Variants in HS3ST4 observed in about 807,000 individuals in gnomAD.
HS3ST4 encodes heparan sulfate glucosamine 3-O-sulfotransferase 4.
HS3ST4 carries 17 observed loss-of-function variants against 29.2 expected under a neutral mutation model. The observed-to-expected ratio is 0.58, with a 90% CI of 0.40 to 0.87. The LOEUF is 0.87. Among genes scored for constraint, HS3ST4 ranks in the 40% least tolerant of loss-of-function variants. The pLI is 0.00. For synonymous variants in HS3ST4, 314 were observed against 285.7 expected (o/e 1.10, Z -1.00); for missense variants, 627 against 634.5 (o/e 0.99, Z 0.13).
intron 1 of HS3ST4, among the ~76,000 whole-genome samples, chr16:25,752,635 C>G (rs1327220664): frequency 6.6e-6 from 1 of 152,216 alleles, no homozygotes; most frequent in Non-Finnish European, 1.5e-5. Context: ...ACACAGCTCT[C>G]TCTTCATTGT....
At chr16:25,703,891 A>T (rs1966353864) in intron 1 of HS3ST4, among the ~76,000 whole-genome samples, 1 of 152,054 alleles carries the variant, frequency 6.6e-6, no homozygotes, top group South Asian at 2.1e-4. Flanking sequence ...AATTTAAATA[A>T]CTTCTTCCAC....
intron 1 of HS3ST4, among the ~76,000 whole-genome samples, chr16:25,710,440 G>T (rs1966407647): frequency 1.7e-5 from 1 of 59,946 alleles, no homozygotes; most frequent in Non-Finnish European, 4.7e-5. Context: ...ATGGCTTCAG[G>T]GCTTTATCCT....
At chr16:26,007,484 C>T (rs887365071) in intron 1 of HS3ST4, among the ~76,000 whole-genome samples, 6 of 152,158 alleles carry the variant, frequency 3.9e-5, no homozygotes, top group Non-Finnish European at 8.8e-5. Flanking sequence ...GGAATGTTAA[C>T]GTCTGCATTT....
intron 1 of HS3ST4, among the ~76,000 whole-genome samples, chr16:26,086,841 T>C (rs1025504984): frequency 9.9e-5 from 15 of 152,214 alleles, no homozygotes; most frequent in African/African-American, 3.4e-4. Context: ...CCTCAGTCTT[T>C]TCTCTGTATT....
intron 1 of HS3ST4, among the ~76,000 whole-genome samples, chr16:25,699,376 A>C (rs953447322): frequency 2.0e-5 from 3 of 152,282 alleles, no homozygotes; most frequent in African/African-American, 7.2e-5. Flanking sequence ...AAAAAAGAAA[A>C]TTCGCAAATA....
At chr16:25,696,413 T>A (rs1426003697) in intron 1 of HS3ST4, among the ~76,000 whole-genome samples, 1 of 152,164 alleles carries the variant, frequency 6.6e-6, no homozygotes, top group East Asian at 1.9e-4. Context: ...CTCTCATGGT[T>A]TGCAGAGCAT....
Position 25,937,133 on chromosome 16 carries a change from C to CT in HS3ST4, c.735-198468dup, listed in dbSNP as rs1045421932. On this transcript the variant is annotated intron_variant, in intron 1 of 1. Coordinates refer to ENST00000331351, the MANE Select transcript of HS3ST4 (RefSeq NM_006040.3). ...AGGTCATACCTTTCTGGGACTTTTTCTTTTTTTTTTTGGTCAATAGGAAAA... is the reference window on the plus strand; with the variant it reads ...AGGTCATACCTTTCTGGGACTTTTTCTTTTTTTTTTTTGGTCAATAGGAAAA... Among the ~76,000 whole-genome samples the CT allele has an allele frequency of 7.5e-4, 108 of 144,568 alleles. 1 individual carries two copies. The highest frequency in any genetic ancestry group is 1.2e-3 in the East Asian group (6 of 4,966). The allele number at this position is 144,568 out of a possible 152,430, so 94.8% of individuals were successfully genotyped here.
chr16:26,133,832 A>G (rs1898243196), intron 1 of HS3ST4, among the ~76,000 whole-genome samples: 1 of 152,234 alleles, frequency 6.6e-6, no homozygotes. Context: ...ATTTAAAAGC[A>G]TGTCATCATA....
At chr16:26,075,215 G>A (rs1898647773) in intron 1 of HS3ST4, among the ~76,000 whole-genome samples, 1 of 152,092 alleles carries the variant, frequency 6.6e-6, no homozygotes, top group Non-Finnish European at 1.5e-5. Flanking sequence ...CACACCATGT[G>A]TCATTAAGTT....
chr16:25,839,239 T>C (rs1227055055), intron 1 of HS3ST4, among the ~76,000 whole-genome samples: 1 of 152,226 alleles, frequency 6.6e-6, no homozygotes, highest in South Asian at 2.1e-4. Context: ...TTATTATTTA[T>C]GTAGCTGTTT....
At chr16:25,723,696 C>G (rs532264342) in intron 1 of HS3ST4, among the ~76,000 whole-genome samples, 1 of 152,326 alleles carries the variant, frequency 6.6e-6, no homozygotes, top group South Asian at 2.1e-4. Flanking sequence ...TTTTCTTCTT[C>G]AGCCTAGAAG....
chr16:26,067,018 C>A (rs1380410777), intron 1 of HS3ST4, among the ~76,000 whole-genome samples: 3 of 152,128 alleles, frequency 2.0e-5, no homozygotes, highest in Non-Finnish European at 4.4e-5. Flanking sequence ...GGAGCTAGAT[C>A]AGGTAGGAAA....
intron 1 of HS3ST4, among the ~76,000 whole-genome samples, chr16:26,027,119 A>G (rs769144357): frequency 1.1e-4 from 17 of 152,248 alleles, no homozygotes; most frequent in South Asian, 2.1e-4. Flanking sequence ...ACTTCTTAAA[A>G]TAAAACTTAA....
rs1042457022 is a variant in HS3ST4, at chr16:25,856,370, G to A, written c.734+163219G>A. ...CTCCAACCTTCAGGGAGGGGAAAGG[G>A]GCTGGGAGACTGAGTTCAGTCACTA... On this transcript the variant is annotated intron_variant, in intron 1 of 1. Coordinates refer to ENST00000331351, the MANE Select transcript of HS3ST4 (RefSeq NM_006040.3). Among the ~76,000 whole-genome samples, 8 of 152,194 alleles carry A rather than the reference G, an allele frequency of 5.3e-5. No homozygotes were observed. In the South Asian group the frequency reaches 1.2e-3, roughly 24 times the overall value.
chr16:25,976,328 C>G (rs1012299950), intron 1 of HS3ST4, among the ~76,000 whole-genome samples: 1 of 151,966 alleles, frequency 6.6e-6, no homozygotes, highest in Non-Finnish European at 1.5e-5. Flanking sequence ...TTTTTTGAGA[C>G]AGGGTCTCAC....
chr16:26,089,432 C>T lies in HS3ST4; in HGVS notation c.735-46180C>T, dbSNP rs181833182. Among the ~76,000 whole-genome samples the T allele has an allele frequency of 1.2e-4, 19 of 152,252 alleles. No individual in the cohort carries two copies. In the East Asian group the frequency reaches 3.5e-3, roughly 28 times the overall value. ...ACTGGTGGAGAAGGAGGGTTGGAAACAGGAGCCGTAGAGATTAGGGTGGGG... is the reference window on the plus strand; with the variant it reads ...ACTGGTGGAGAAGGAGGGTTGGAAATAGGAGCCGTAGAGATTAGGGTGGGG... On this transcript the variant is annotated intron_variant, in intron 1 of 1. Coordinates refer to ENST00000331351, the MANE Select transcript of HS3ST4 (RefSeq NM_006040.3).
At chr16:26,079,131 G>A (rs922211368) in intron 1 of HS3ST4, among the ~76,000 whole-genome samples, 4 of 152,182 alleles carry the variant, frequency 2.6e-5, no homozygotes, top group Admixed American at 6.5e-5. Context: ...CATTTCACTC[G>A]GTGACAGAGG....
At chr16:25,902,704 G>A (rs919377583) in intron 1 of HS3ST4, among the ~76,000 whole-genome samples, 28 of 151,922 alleles carry the variant, frequency 1.8e-4, no homozygotes, top group African/African-American at 6.0e-4. Context: ...ACTCATGAAC[G>A]GGAACCCATA....
chr16:25,965,529 T>G (rs570572429), intron 1 of HS3ST4, among the ~76,000 whole-genome samples: 1 of 152,328 alleles, frequency 6.6e-6, no homozygotes, highest in Admixed American at 6.5e-5. Context: ...TCCCAAGAAT[T>G]TATTGAGTCT....
Sources: gnomAD v4.1 joint callset for allele counts (sites outside exome capture counted in the v4.1 genomes callset) on GRCh38, gnomAD v4.1.1 for gene constraint, MANE v1.5 for transcripts, NCBI Gene and HGNC (gene_info 2026-07-23, HGNC 2026-07-21) for gene names.